The following FAM20A variants were observed in gnomAD, a reference collection of about 807,000 sequenced individuals.
FAM20A encodes FAM20A golgi associated secretory pathway pseudokinase.
In FAM20A, 42 loss-of-function variants were observed where a neutral mutation model predicts 52.0. The observed-to-expected ratio is 0.81, with a 90% CI of 0.63 to 1.04. The LOEUF is 1.04. FAM20A is among the 50% of genes least tolerant of loss of function. The pLI is 0.00. For synonymous variants in FAM20A, 304 were observed against 298.9 expected (o/e 1.02, Z -0.18); for missense variants, 742 against 712.7 (o/e 1.04, Z -0.47).
chr17:68,584,134 C>T (rs1034415908), intron 1 of FAM20A, among the ~76,000 whole-genome samples: 9 of 151,928 alleles, frequency 5.9e-5, no homozygotes, highest in Admixed American at 2.6e-4. Context: ...GTGACCAACA[C>T]GGTGAAACCC....
intron 1 of FAM20A, among the ~76,000 whole-genome samples, chr17:68,585,334 C>T (rs1006016080): frequency 1.5e-5 from 2 of 134,188 alleles, no homozygotes; most frequent in Non-Finnish European, 3.2e-5. Context: ...ATTAATATCC[C>T]TCTATTCAAC....
chr17:68,600,464 A>ACGAT lies in FAM20A; in HGVS notation c.199_202dup (p.Val68AspfsTer13). The ACGAT allele has an allele frequency of 6.2e-7, 1 of 1,608,984 alleles. No individual in the cohort carries two copies. The highest frequency in any genetic ancestry group is 1.1e-5 in the South Asian group (1 of 90,128). On this transcript the variant is annotated frameshift_variant, in exon 1 of 11. Coordinates refer to ENST00000592554, the MANE Select transcript of FAM20A (RefSeq NM_017565.4). LOFTEE classifies it high-confidence loss of function. This position sits in a 1 kb window ranked among gnomAD's most constrained non-coding sequence, Gnocchi z 6.2. Reference sequence around the variant, plus strand: ...GGGCTCGGTTCGGGAAAAGTTGTGCACGATCGTGCCGGGGTCCGAGGCAGC... The same window carrying ACGAT: ...GGGCTCGGTTCGGGAAAAGTTGTGCACGATCGATCGTGCCGGGGTCCGAGGCAGC...
At chr17:68,589,543 A>G (rs898229549) in intron 1 of FAM20A, among the ~76,000 whole-genome samples, 6 of 152,178 alleles carry the variant, frequency 3.9e-5, no homozygotes, top group African/African-American at 1.4e-4. Context: ...TGTTCTTACT[A>G]GTGATAATAG....
chr17:68,578,838 CAAAAAAAAAAA>C (rs5821664), intron 1 of FAM20A, among the ~76,000 whole-genome samples: 3 of 36,058 alleles, frequency 8.3e-5, no homozygotes, highest in Admixed American at 1.1e-3. Flanking sequence ...CTAAAAATAC[CAAAAAAAAAAA>C]AAAAAAAAAA....
Position 68,555,742 on chromosome 17 carries a change from G to A in FAM20A, c.406C>T (p.Arg136Ter), listed in dbSNP as rs144411158. 97 of 1,613,968 alleles carry A rather than the reference G, an allele frequency of 6.0e-5. No individual in the cohort carries two copies. Among genetic ancestry groups the A allele is most frequent in the African/African-American group, 4.1e-4 (31 of 75,002 alleles). Reference sequence around the variant, plus strand: ...ATCTGCTCTCTGTACATCTTGTGTCGCCTGAAAGAGCCAGATAGTTGTTCA... The same window carrying A: ...ATCTGCTCTCTGTACATCTTGTGTCACCTGAAAGAGCCAGATAGTTGTTCA... ...YRRKVARWNR[R>*]HKMYREQMNL... is the part of the protein sequence containing the mutation. Residue 136 changes from arginine (R) to a stop codon, truncating the protein, a stop_gained and splice_region_variant, in exon 2 of 11, where the codon CGA (arginine) becomes TGA (stop). Transcript: ENST00000592554. LOFTEE classifies it high-confidence loss of function.
chr17:68,588,167 C>T (rs2088210600), intron 1 of FAM20A, among the ~76,000 whole-genome samples: 1 of 151,336 alleles, frequency 6.6e-6, no homozygotes, highest in African/African-American at 2.4e-5. Flanking sequence ...GAGCTCAAAG[C>T]CCATCCATAA....
Position 68,600,561 on chromosome 17 carries a change from G to A in FAM20A, c.106C>T (p.Arg36Trp), listed in dbSNP as rs369611050. Residue 36 changes from arginine (R) to tryptophan (W), a missense_variant, in exon 1 of 11, where the codon CGG becomes TGG. Arg to Trp is a moderately radical substitution (Grantham distance 101). Transcript: ENST00000592554. This position sits in a 1 kb window ranked among gnomAD's most constrained non-coding sequence, Gnocchi z 6.2. Reference protein sequence around the residue: ...HLWPQVQRQLRPRERPRGCPC... With the variant: ...HLWPQVQRQLWPRERPRGCPC... ...CACCCCCGCGGGCGCTCCCGAGGCC[G>A]CAGCTGGCGCTGTACTTGGGGCCAG... The A allele has an allele frequency of 2.6e-6, 4 of 1,556,834 alleles. No homozygotes were observed. The African/African-American group carries it at 5.4e-5, about 21-fold the overall frequency.
intron 4 of FAM20A, among the ~76,000 whole-genome samples, chr17:68,550,192 C>T (rs560378093): frequency 2.4e-4 from 37 of 152,132 alleles, no homozygotes; most frequent in South Asian, 8.3e-4. Flanking sequence ...CAAGTAAAAT[C>T]TACAGTGGGA....
In FAM20A at chr17:68,540,040, A is replaced by C; in HGVS notation, c.1220-74T>G. On this transcript the variant is annotated intron_variant, in intron 8 of 10. Transcript: ENST00000592554. ...GGTGCTCCTGACCTGAGTTCTCTCC[A>C]GGGAACGGAGGCCTGTCATCACTTG... 4 of 1,279,796 alleles carry C rather than the reference A, an allele frequency of 3.1e-6. No homozygotes were observed. In the South Asian group the frequency reaches 4.9e-5, roughly 16 times the overall value. 79.3% of individuals were successfully genotyped at this position (1,279,796 alleles called of 1,614,324 possible). A position where few individuals can be genotyped will look rare whatever the true frequency, so the allele number is the denominator to read the frequency against.
chr17:68,586,904 C>G (rs566300483), intron 1 of FAM20A, among the ~76,000 whole-genome samples: 1 of 149,122 alleles, frequency 6.7e-6, no homozygotes, highest in African/African-American at 2.5e-5. Context: ...TTTTTTTTTT[C>G]CTTTTGAGAC....
rs35386280 is a variant in FAM20A at position 68,577,455 on chromosome 17, CT to C, written c.405-21713del. On this transcript the variant is annotated intron_variant, in intron 1 of 10. Transcript: ENST00000592554. ...TTCGCCACTGGGGGCGATTTTACCC[CT>C]CAGGGGACATTTGGCAATGTTTGGA... 3.1e-3 allele frequency among the ~76,000 whole-genome samples: 467 copies of C among 152,354 alleles called. 3 individuals carry two copies. The highest frequency in any genetic ancestry group is 4.6e-3 in the Non-Finnish European group (310 of 68,040).
intron 3 of FAM20A, among the ~76,000 whole-genome samples, chr17:68,553,812 AC>A (rs1190716252): frequency 6.7e-6 from 1 of 149,886 alleles, no homozygotes; most frequent in Admixed American, 6.7e-5. Context: ...ATACATATAT[AC>A]ACACATTTAT....
intron 10 of FAM20A, among the ~76,000 whole-genome samples, chr17:68,538,596 C>T (rs1047920502): frequency 1.3e-5 from 2 of 152,214 alleles, no homozygotes; most frequent in Non-Finnish European, 2.9e-5. Context: ...CAAGGGCCTT[C>T]GTGCCTTCTT....
chr17:68,578,838 C>CAAAAAA (rs5821664), intron 1 of FAM20A, among the ~76,000 whole-genome samples: 12 of 36,060 alleles, frequency 3.3e-4, no homozygotes, highest in East Asian at 8.6e-4. Flanking sequence ...CTAAAAATAC[C>CAAAAAA]AAAAAAAAAA....
In FAM20A at chr17:68,539,884, C is replaced by T; in HGVS notation, c.1301+1G>A. ...TGTTGAACACACGTGGGGAAGCTCA[C>T]CCTCTGGCGTTGTCAAGGTGAATAA... On this transcript the variant is annotated splice_donor_variant, in intron 9 of 10. Coordinates refer to ENST00000592554, the MANE Select transcript of FAM20A (RefSeq NM_017565.4). LOFTEE classifies it high-confidence loss of function. The T allele has an allele frequency of 2.5e-6, 4 of 1,614,016 alleles. No individual in the cohort carries two copies. The highest frequency in any genetic ancestry group is 3.4e-6 in the Non-Finnish European group (4 of 1,179,896).
At chr17:68,546,541 T>A (rs2086573914) in intron 4 of FAM20A, among the ~76,000 whole-genome samples, 1 of 152,022 alleles carries the variant, frequency 6.6e-6, no homozygotes, top group Non-Finnish European at 1.5e-5. Context: ...TCTTAAATTG[T>A]AAGACTTGGC....
At chr17:68,562,237 T>C (rs1197448167) in intron 1 of FAM20A, among the ~76,000 whole-genome samples, 2 of 152,256 alleles carry the variant, frequency 1.3e-5, no homozygotes, top group Non-Finnish European at 2.9e-5. Context: ...TGTTCAAAGA[T>C]GTTCATTATT....
In FAM20A at chr17:68,536,788, C is replaced by T. The variant is rs2086109066; in HGVS notation, c.*689G>A. On this transcript the variant is annotated 3_prime_UTR_variant, in exon 11 of 11. Transcript: ENST00000592554. ...TTCTGTTACTGGCTGCTTAGTGTGA[C>T]ATATTTGATGTTATTTCAATTGTAA... 1 of 453,852 alleles carries T rather than the reference C, an allele frequency of 2.2e-6. No homozygotes were observed. The highest frequency in any genetic ancestry group is 1.6e-5 in the South Asian group (1 of 64,478). The allele number at this position is 453,852 out of a possible 1,614,324, so 28.1% of individuals were successfully genotyped here. A position where few individuals can be genotyped will look rare whatever the true frequency, so the allele number is the denominator to read the frequency against.
intron 1 of FAM20A, among the ~76,000 whole-genome samples, chr17:68,599,217 C>T (rs2088541876): frequency 6.6e-6 from 1 of 152,144 alleles, no homozygotes; most frequent in South Asian, 2.1e-4. Flanking sequence ...TGCTCATCCT[C>T]TGGAGGGACC....
Sources: allele counts gnomAD v4.1 joint callset (sites outside exome capture counted in the v4.1 genomes callset), GRCh38; gene constraint gnomAD v4.1.1; non-coding constraint Gnocchi (gnomAD v3.1); transcripts MANE v1.5; gene names NCBI Gene and HGNC (gene_info 2026-07-23, HGNC 2026-07-21).